The following MTCL3 variants were observed in gnomAD, a reference collection of about 807,000 sequenced individuals.
MTCL3 encodes the protein microtubule cross-linking factor 3.
At chr6:127,496,526 G>C in the MTCL3 span, among the ~76,000 whole-genome samples, 11 of 152,102 alleles carry the variant, frequency 7.2e-5, no homozygotes, top group Non-Finnish European at 1.3e-4. Flanking sequence ...TTCTTAAAAG[G>C]CTAAATGTAA....
At chr6:127,475,877 C>T in the MTCL3 span, 1 of 1,613,654 alleles carries the variant, frequency 6.2e-7, no homozygotes, top group African/African-American at 1.3e-5. The surrounding 1 kb of genome is among the most constrained non-coding windows in gnomAD (Gnocchi z 7.3). Context: ...ATGACCTTGC[C>T]GCTGAGCTCG....
At chr6:127,489,510 C>T in the MTCL3 span, among the ~76,000 whole-genome samples, 2 of 152,226 alleles carry the variant, frequency 1.3e-5, no homozygotes, top group Admixed American at 6.5e-5. Flanking sequence ...ACACCTAGGC[C>T]TCTTAGCCAA....
At chr6:127,511,530 A>G in the MTCL3 span, among the ~76,000 whole-genome samples, 1 of 152,180 alleles carries the variant, frequency 6.6e-6, no homozygotes, top group Non-Finnish European at 1.5e-5. Context: ...GATGTTGAGA[A>G]TCATCAAAAA....
the MTCL3 span, among the ~76,000 whole-genome samples, chr6:127,504,345 C>T: frequency 6.6e-6 from 1 of 152,170 alleles, no homozygotes; most frequent in Admixed American, 6.5e-5. Context: ...AAATAATTAA[C>T]TTGTGGGCAA....
At chr6:127,475,497 C>T in the MTCL3 span, 1 of 1,613,520 alleles carries the variant, frequency 6.2e-7, no homozygotes, top group Non-Finnish European at 8.5e-7. This position sits in a 1 kb window ranked among gnomAD's most constrained non-coding sequence, Gnocchi z 7.3. Flanking sequence ...CGTAGATGCG[C>T]GCCTCGGTGA....
At chr6:127,484,845 C>T in the MTCL3 span, among the ~76,000 whole-genome samples, 56 of 152,284 alleles carry the variant, frequency 3.7e-4, no homozygotes, top group African/African-American at 1.3e-3. Context: ...TCCTTTTAGC[C>T]TCACTTTGCA....
the MTCL3 span, among the ~76,000 whole-genome samples, chr6:127,518,294 A>G: frequency 6.6e-6 from 1 of 152,262 alleles, no homozygotes; most frequent in Non-Finnish European, 1.5e-5. Context: ...GAATAATTCC[A>G]GAGCTGAGAA....
At chr6:127,505,351 G>C in the MTCL3 span, among the ~76,000 whole-genome samples, 3 of 152,188 alleles carry the variant, frequency 2.0e-5, no homozygotes, top group Non-Finnish European at 4.4e-5. Context: ...AAAAGAAACA[G>C]ATCACATCCT....
chr6:127,489,655 A>G, the MTCL3 span, among the ~76,000 whole-genome samples: 1 of 152,274 alleles, frequency 6.6e-6, no homozygotes, highest in African/African-American at 2.4e-5. Context: ...AAGATCAAAC[A>G]ACCCACAACA....
chr6:127,508,904 C>T, the MTCL3 span, among the ~76,000 whole-genome samples: 1 of 152,200 alleles, frequency 6.6e-6, no homozygotes, highest in Admixed American at 6.5e-5. Context: ...AGCAAAAACT[C>T]ACCTCTCACA....
chr6:127,516,375 C>T, the MTCL3 span: 1 of 1,600,838 alleles, frequency 6.2e-7, no homozygotes, highest in Non-Finnish European at 8.5e-7. Flanking sequence ...TGTTACCCTG[C>T]TGTTGCTGCT....
At chr6:127,516,867 T>C in the MTCL3 span, among the ~76,000 whole-genome samples, 3 of 152,206 alleles carry the variant, frequency 2.0e-5, no homozygotes, top group Non-Finnish European at 1.5e-5. Context: ...ATTCTCATTT[T>C]GCCCAGGGTG....
the MTCL3 span, among the ~76,000 whole-genome samples, chr6:127,479,801 T>C: frequency 6.6e-6 from 1 of 152,230 alleles, no homozygotes; most frequent in Non-Finnish European, 1.5e-5. Context: ...GTTTCTGCAA[T>C]GCCAAGAGTT....
At chr6:127,485,477 C>G in the MTCL3 span, among the ~76,000 whole-genome samples, 2 of 151,954 alleles carry the variant, frequency 1.3e-5, no homozygotes, top group African/African-American at 4.8e-5. Context: ...CAACTTGGAG[C>G]ACTAAATGCT....
the MTCL3 span, chr6:127,482,793 C>T: frequency 2.9e-3 from 1,905 of 667,074 alleles, 31 homozygotes; most frequent in African/African-American, 0.033. This position sits in a 1 kb window ranked among gnomAD's most constrained non-coding sequence, Gnocchi z 4.1. Context: ...AATTGATATG[C>T]AAATTTGACT....
chr6:127,475,505 T>C, the MTCL3 span: 1 of 1,613,402 alleles, frequency 6.2e-7, no homozygotes, highest in South Asian at 1.1e-5. This position sits in a 1 kb window ranked among gnomAD's most constrained non-coding sequence, Gnocchi z 7.3. Flanking sequence ...CGCGCCTCGG[T>C]GATGATGGTG....
chr6:127,487,004 T>A, the MTCL3 span, among the ~76,000 whole-genome samples: 1 of 152,200 alleles, frequency 6.6e-6, no homozygotes, highest in African/African-American at 2.4e-5. Context: ...AGAAGGAAAC[T>A]ATAGAGACAT....
At chr6:127,515,703 G>A in the MTCL3 span, 1 of 1,573,152 alleles carries the variant, frequency 6.4e-7, no homozygotes, top group Non-Finnish European at 8.6e-7. This position sits in a 1 kb window ranked among gnomAD's most constrained non-coding sequence, Gnocchi z 4.3. Flanking sequence ...CGGAGGCGAC[G>A]GCCAGGGTCT....
chr6:127,516,057 G>T, the MTCL3 span: 4 of 1,536,712 alleles, frequency 2.6e-6, no homozygotes, highest in Non-Finnish European at 8.7e-7. Flanking sequence ...GCTGCGGAGC[G>T]CCCCCCTCCC....
Sources: gnomAD v4.1 joint callset for allele counts (sites outside exome capture counted in the v4.1 genomes callset) on GRCh38, gnomAD v4.1.1 for gene constraint, Gnocchi (gnomAD v3.1) non-coding constraint, MANE v1.5 for transcripts, NCBI Gene and HGNC (gene_info 2026-07-23, HGNC 2026-07-21) for gene names.